Variants in RPAP2 observed in about 807,000 individuals in gnomAD.
The protein encoded by RPAP2 is RNA polymerase II associated protein 2.
RPAP2 carries 52 observed loss-of-function variants against 73.1 expected under a neutral mutation model. That is an observed-to-expected ratio of 0.71 (90% CI 0.57 to 0.90). RPAP2 has a LOEUF of 0.90. RPAP2 is among the 40% of genes least tolerant of loss of function. The pLI is 0.00. For synonymous variants in RPAP2, 225 were observed against 242.1 expected, an observed-to-expected ratio of 0.93 and a Z score of 0.65; for missense variants, 598 against 701.8, an observed-to-expected ratio of 0.85 and a Z score of 1.67.
chr1:92,369,139 A>T (rs1042799869), intron 11 of RPAP2, among the ~76,000 whole-genome samples: 21 of 152,228 alleles, frequency 1.4e-4, no homozygotes, highest in Non-Finnish European at 2.4e-4. Context: ...TTTTGTTTTT[A>T]CTTACAGCCA....
At chr1:92,301,440 C>G in intron 2 of RPAP2, 36 bp from the exon 3 acceptor site, 1 of 1,108,994 alleles carries the variant, frequency 9.0e-7, no homozygotes, top group African/African-American at 1.6e-5. Flanking sequence ...GGACATGAAG[C>G]TTTTAAGTAG....
intron 12 of RPAP2, among the ~76,000 whole-genome samples, chr1:92,386,200 G>C (rs933189625): frequency 4.6e-5 from 7 of 152,160 alleles, no homozygotes; most frequent in Admixed American, 4.6e-4. Flanking sequence ...CTGTTAGTTA[G>C]AAACTAGTCA....
chr1:92,350,488 T>G lies in RPAP2; in HGVS notation c.1688+4574T>G, dbSNP rs147326987. Among the ~76,000 whole-genome samples, 434 of 152,346 alleles carry G rather than the reference T, an allele frequency of 2.8e-3. 4 individuals carry two copies. Among genetic ancestry groups the G allele is most frequent in the African/African-American group, 9.9e-3 (412 of 41,580 alleles). On this transcript the variant is annotated intron_variant, in intron 11 of 12. Coordinates refer to ENST00000610020, the MANE Select transcript of RPAP2 (RefSeq NM_024813.3). ...AGTTGAAGTTTATCAGACTTTACTCTTAGATCTGATTTTGTTCCTGGAAAA... is the reference window on the plus strand; with the variant it reads ...AGTTGAAGTTTATCAGACTTTACTCGTAGATCTGATTTTGTTCCTGGAAAA...
At chr1:92,335,899 TCAAAC>T in intron 9 of RPAP2, among the ~76,000 whole-genome samples, 1 of 152,292 alleles carries the variant, frequency 6.6e-6, no homozygotes, top group East Asian at 1.9e-4. Context: ...AACTGTTGGG[TCAAAC>T]ACATTTAAAC....
Position 92,397,319 on chromosome 1 carries a change from G to A in RPAP2, c.*10308G>A, listed in dbSNP as rs1656207107. On this transcript the variant is annotated 3_prime_UTR_variant, in exon 13 of 13. Coordinates refer to ENST00000610020, the MANE Select transcript of RPAP2 (RefSeq NM_024813.3). Reference sequence around the variant, plus strand: ...GTGGGAGGATCACTTGAGCCCAGGAGGCAGAGGTTGTAGGGAGCCAAGATT... The same window carrying A: ...GTGGGAGGATCACTTGAGCCCAGGAAGCAGAGGTTGTAGGGAGCCAAGATT... 1 of 152,216 alleles carries A rather than the reference G, an allele frequency of 6.6e-6. No individual in the cohort carries two copies. The highest frequency in any genetic ancestry group is 1.5e-5 in the Non-Finnish European group (1 of 68,080). 9.4% of individuals were successfully genotyped at this position (152,216 alleles called of 1,614,324 possible).
intron 11 of RPAP2, among the ~76,000 whole-genome samples, chr1:92,380,291 A>C (rs1322031288): frequency 6.6e-6 from 1 of 151,334 alleles, no homozygotes; most frequent in African/African-American, 2.4e-5. Flanking sequence ...AAAAAAAAAA[A>C]CAAATAAAAT....
chr1:92,366,492 G>A (rs1164986853), intron 11 of RPAP2, among the ~76,000 whole-genome samples: 4 of 152,126 alleles, frequency 2.6e-5, no homozygotes, highest in Non-Finnish European at 5.9e-5. Context: ...CTTCAACAGG[G>A]TGACAGGTTC....
chr1:92,308,865 C>G (rs1172288580), intron 6 of RPAP2, among the ~76,000 whole-genome samples: 4 of 151,756 alleles, frequency 2.6e-5, no homozygotes, highest in African/African-American at 9.7e-5. Context: ...GAGGCTGAGG[C>G]AGGAGAATCA....
At chr1:92,327,345 T>A (rs1192047949) in intron 8 of RPAP2, among the ~76,000 whole-genome samples, 1 of 152,174 alleles carries the variant, frequency 6.6e-6, no homozygotes, top group African/African-American at 2.4e-5. Flanking sequence ...AGCTCCAGGT[T>A]TAGATGCATA....
chr1:92,363,520 G>A (rs1654811575), intron 11 of RPAP2, among the ~76,000 whole-genome samples: 1 of 152,164 alleles, frequency 6.6e-6, no homozygotes, highest in South Asian at 2.1e-4. Context: ...CAGTGAAGTA[G>A]GGTATGAGGT....
intron 11 of RPAP2, 29 bp from the exon 12 acceptor site, chr1:92,380,693 GAT>G: frequency 6.6e-7 from 1 of 1,510,230 alleles, no homozygotes; most frequent in Non-Finnish European, 8.8e-7. Context: ...TCATTTCATG[GAT>G]ATGCATTTAG....
In RPAP2 at chr1:92,400,488, A is replaced by AT. The variant is rs562454577; in HGVS notation, c.*13485dup. ...GCACGTACCACCATACCCAGCTAAT[A>AT]TTTTTTTTAATTTTATATTTTTTAG... On this transcript the variant is annotated 3_prime_UTR_variant, in exon 13 of 13. Coordinates refer to ENST00000610020, the MANE Select transcript of RPAP2 (RefSeq NM_024813.3). 9 of 151,768 alleles carry AT rather than the reference A, an allele frequency of 5.9e-5. No homozygotes were observed. The highest frequency in any genetic ancestry group is 1.5e-4 in the African/African-American group (6 of 41,286). 9.4% of individuals were successfully genotyped at this position (151,768 alleles called of 1,614,324 possible). A position where few individuals can be genotyped will look rare whatever the true frequency, so the allele number is the denominator to read the frequency against.
intron 11 of RPAP2, among the ~76,000 whole-genome samples, chr1:92,355,853 A>G (rs1654436216): frequency 6.6e-6 from 1 of 152,188 alleles, no homozygotes; most frequent in Admixed American, 6.5e-5. Context: ...ATTCTAAAAA[A>G]TCCAAACTCC....
chr1:92,394,729 G>C lies in RPAP2; in HGVS notation c.*7718G>C, dbSNP rs1422906161. The C allele has an allele frequency of 6.6e-6, 1 of 152,188 alleles. No homozygotes were observed. The highest frequency in any genetic ancestry group is 1.5e-5 in the Non-Finnish European group (1 of 68,026). 9.4% of individuals were successfully genotyped at this position (152,188 alleles called of 1,614,324 possible). ...TAGACACAATCCATGTTCATGAATT[G>C]GAAGATCAAATGTTGTTAAGATAGC... is the stretch of plus-strand genomic sequence containing the variant. On this transcript the variant is annotated 3_prime_UTR_variant, in exon 13 of 13. Coordinates refer to ENST00000610020, the MANE Select transcript of RPAP2 (RefSeq NM_024813.3).
At chr1:92,370,958 G>T (rs1014584559) in intron 11 of RPAP2, among the ~76,000 whole-genome samples, 1 of 152,218 alleles carries the variant, frequency 6.6e-6, no homozygotes, top group Non-Finnish European at 1.5e-5. Context: ...AACATTGTCA[G>T]TGGGAGTGTA....
At chr1:92,355,791 G>A (rs1262213487) in intron 11 of RPAP2, among the ~76,000 whole-genome samples, 1 of 152,136 alleles carries the variant, frequency 6.6e-6, no homozygotes, top group Non-Finnish European at 1.5e-5. Context: ...TCAGATTTTG[G>A]ATTTTTGGAT....
At chr1:92,380,939 T>G in intron 12 of RPAP2, 66 bp downstream of exon 12, 1 of 1,361,148 alleles carries the variant, frequency 7.3e-7, no homozygotes, top group Non-Finnish European at 9.8e-7. Flanking sequence ...ATTCTTTTTT[T>G]TTTTAATTGG....
intron 11 of RPAP2, among the ~76,000 whole-genome samples, chr1:92,356,946 A>G (rs1168861101): frequency 1.3e-5 from 2 of 151,900 alleles, no homozygotes; most frequent in East Asian, 3.9e-4. Flanking sequence ...ACCGCCTGTA[A>G]TCTCAGCTAC....
intron 10 of RPAP2, among the ~76,000 whole-genome samples, chr1:92,338,305 T>A: frequency 6.6e-6 from 1 of 152,366 alleles, no homozygotes; most frequent in Non-Finnish European, 1.5e-5. Context: ...AGTTCAGGGA[T>A]GTCAATCCTC....
Sources: gnomAD v4.1 joint callset for allele counts (sites outside exome capture counted in the v4.1 genomes callset) on GRCh38, gnomAD v4.1.1 for gene constraint, MANE v1.5 for transcripts, NCBI Gene and HGNC (gene_info 2026-07-23, HGNC 2026-07-21) for gene names.